GALNT13: variants seen among roughly 807,000 people sequenced by gnomAD.
GALNT13 encodes the protein polypeptide N-acetylgalactosaminyltransferase 13, also known as UDP-GalNAc:polypeptide N-acetylgalactosaminyltransferase 13.
Under a neutral mutation model 64.2 loss-of-function variants are expected in GALNT13, and 28 were observed. The observed-to-expected ratio is 0.44, with a 90% CI of 0.32 to 0.60. The LOEUF is 0.60. Among genes scored for constraint, GALNT13 ranks in the 20% least tolerant of loss-of-function variants. The pLI, the probability that GALNT13 is intolerant of heterozygous loss-of-function variation, is 0.05. For missense variants in GALNT13, 577 were observed against 669.8 expected (o/e 0.86, Z 1.53); for synonymous variants, 214 against 224.6 (o/e 0.95, Z 0.42).
At chr2:153,704,591 C>A in the GALNT13 span, among the ~76,000 whole-genome samples, 1 of 152,068 alleles carries the variant, frequency 6.6e-6, no homozygotes, top group Non-Finnish European at 1.5e-5. Context: ...ATGAAATAAG[C>A]AAAGTGGCTA....
At chr2:154,200,805 G>T (rs889782953) in intron 4 of GALNT13, among the ~76,000 whole-genome samples, 4 of 152,080 alleles carry the variant, frequency 2.6e-5, no homozygotes, top group Admixed American at 2.6e-4. Context: ...TTTTGGAGAG[G>T]ACACATTCTG....
At chr2:153,687,565 A>G in the GALNT13 span, among the ~76,000 whole-genome samples, 1 of 151,850 alleles carries the variant, frequency 6.6e-6, no homozygotes, top group African/African-American at 2.4e-5. Context: ...AAAGCATTTA[A>G]TTTCTTTTCC....
At chr2:153,546,215 A>G in the GALNT13 span, among the ~76,000 whole-genome samples, 4 of 152,224 alleles carry the variant, frequency 2.6e-5, no homozygotes, top group African/African-American at 9.6e-5. Context: ...TATTCTCGCC[A>G]ATTTAAAATT....
chr2:154,291,723 G>A (rs1445992777), intron 8 of GALNT13, among the ~76,000 whole-genome samples: 1 of 152,248 alleles, frequency 6.6e-6, no homozygotes, highest in Non-Finnish European at 1.5e-5. Flanking sequence ...CTCCCGCCTT[G>A]GCCAGCCCCA....
chr2:153,989,145 T>C (rs1005112547), intron 3 of GALNT13, among the ~76,000 whole-genome samples: 1 of 152,006 alleles, frequency 6.6e-6, no homozygotes, highest in Non-Finnish European at 1.5e-5. Context: ...TAATACAAAA[T>C]GATATAAAAT....
At chr2:153,169,388 T>C in the GALNT13 span, among the ~76,000 whole-genome samples, 2 of 152,192 alleles carry the variant, frequency 1.3e-5, no homozygotes, top group Admixed American at 6.6e-5. Context: ...TTCTTGTTGA[T>C]GTTTGGTAAC....
chr2:153,921,550 C>A lies in GALNT13; in HGVS notation c.-105+20543C>A, dbSNP rs145407275. Among the ~76,000 whole-genome samples the A allele has an allele frequency of 2.4e-3, 368 of 152,150 alleles. 9 individuals carry two copies. In the East Asian group the frequency reaches 0.055, roughly 23 times the overall value. On this transcript the variant is annotated intron_variant, in intron 2 of 12. Coordinates refer to ENST00000392825, the MANE Select transcript of GALNT13 (RefSeq NM_052917.4). Reference sequence around the variant, plus strand: ...CTTGGGTGATGAAATAATCTGTACACCAGTCCCCTGTGACAAGCAATTTAC... The same window carrying A: ...CTTGGGTGATGAAATAATCTGTACAACAGTCCCCTGTGACAAGCAATTTAC...
the GALNT13 span, among the ~76,000 whole-genome samples, chr2:153,193,760 C>G: frequency 1.3e-5 from 2 of 152,086 alleles, no homozygotes; most frequent in African/African-American, 4.8e-5. Context: ...GTAACACTCC[C>G]TAAAGCATTT....
intron 4 of GALNT13, among the ~76,000 whole-genome samples, chr2:154,155,261 A>G (rs1401688425): frequency 1.3e-5 from 2 of 152,074 alleles, no homozygotes; most frequent in African/African-American, 4.8e-5. Context: ...GCAAAATATA[A>G]TTTTTAAAAA....
intron 9 of GALNT13, among the ~76,000 whole-genome samples, chr2:154,382,212 C>T (rs1394928216): frequency 6.6e-6 from 1 of 151,940 alleles, no homozygotes; most frequent in Non-Finnish European, 1.5e-5. Context: ...TAGTCCTAGA[C>T]CAATGATATC....
At chr2:153,453,798 C>T in the GALNT13 span, among the ~76,000 whole-genome samples, 8 of 152,078 alleles carry the variant, frequency 5.3e-5, no homozygotes, top group African/African-American at 1.9e-4. Context: ...ATTATTCTAC[C>T]GAAAAGACAC....
chr2:153,139,495 G>A, the GALNT13 span, among the ~76,000 whole-genome samples: 4 of 152,016 alleles, frequency 2.6e-5, no homozygotes, highest in Non-Finnish European at 5.9e-5. Context: ...GATTGCCTAC[G>A]ATGGGGCGAG....
chr2:153,846,443 T>C, the GALNT13 span, among the ~76,000 whole-genome samples: 1 of 152,180 alleles, frequency 6.6e-6, no homozygotes, highest in Admixed American at 6.5e-5. Flanking sequence ...CCAATAAGGG[T>C]TAAAAATCAT....
chr2:153,255,653 G>T, the GALNT13 span, among the ~76,000 whole-genome samples: 3 of 152,080 alleles, frequency 2.0e-5, no homozygotes, highest in Non-Finnish European at 4.4e-5. Context: ...CTCTTTTAGG[G>T]CAGGCCTGGT....
At chr2:153,784,988 C>A in the GALNT13 span, among the ~76,000 whole-genome samples, 3 of 152,162 alleles carry the variant, frequency 2.0e-5, no homozygotes, top group Non-Finnish European at 4.4e-5. Context: ...AGTCCTAGAT[C>A]TTGGTTCTCT....
the GALNT13 span, among the ~76,000 whole-genome samples, chr2:153,085,459 T>A: frequency 2.0e-5 from 3 of 152,238 alleles, no homozygotes; most frequent in South Asian, 6.2e-4. Flanking sequence ...GGCTGCTGTG[T>A]GCAGCCCTAG....
chr2:153,963,731 C>CTCTGTGTGTGTGTGTGTGTGTG (rs1223478876), intron 3 of GALNT13, among the ~76,000 whole-genome samples: 1 of 100,806 alleles, frequency 9.9e-6, no homozygotes, highest in Non-Finnish European at 2.1e-5. Flanking sequence ...CTCTCTCTCT[C>CTCTGTGTGTGTGTGTGTGTGTG]TGTGTGTGTG....
chr2:153,201,027 G>C, the GALNT13 span, among the ~76,000 whole-genome samples: 5 of 152,262 alleles, frequency 3.3e-5, no homozygotes, highest in Admixed American at 3.3e-4. Context: ...TCTCCTTTAT[G>C]TTTCTCTTAG....
At chr2:153,138,378 G>A in the GALNT13 span, among the ~76,000 whole-genome samples, 2 of 151,996 alleles carry the variant, frequency 1.3e-5, no homozygotes, top group Non-Finnish European at 2.9e-5. Context: ...TACTTAAACA[G>A]GATATTCAGG....
Sources: allele counts gnomAD v4.1 joint callset (sites outside exome capture counted in the v4.1 genomes callset), GRCh38; gene constraint gnomAD v4.1.1; transcripts MANE v1.5; gene names NCBI Gene and HGNC (gene_info 2026-07-23, HGNC 2026-07-21).